The following PRKN variants were observed in gnomAD, a reference collection of about 807,000 sequenced individuals.
PRKN encodes E3 ubiquitin-protein ligase parkin.
Under a neutral mutation model 59.5 loss-of-function variants are expected in PRKN, and 56 were observed. That is an observed-to-expected ratio of 0.94 (90% CI 0.76 to 1.18). The LOEUF (loss-of-function observed/expected upper bound fraction) is 1.18, where lower values mean the gene tolerates loss of function less well. PRKN is among the 50% of genes most tolerant of loss of function. The pLI, the probability that PRKN is intolerant of heterozygous loss-of-function variation, is 0.00. For missense variants in PRKN, 657 were observed against 596.4 expected, an observed-to-expected ratio of 1.10 and a Z score of -1.06; for synonymous variants, 250 against 222.1, an observed-to-expected ratio of 1.13 and a Z score of -1.12.
chr6:161,986,010 A>G (rs185519316), intron 5 of PRKN, among the ~76,000 whole-genome samples: 364 of 152,272 alleles, frequency 2.4e-3, no homozygotes, highest in Non-Finnish European at 4.2e-3. Context: ...CTAGTCCTCA[A>G]TTATGTCCGG....
At chr6:162,227,893 T>C (rs1778249845) in intron 3 of PRKN, among the ~76,000 whole-genome samples, 1 of 149,770 alleles carries the variant, frequency 6.7e-6, no homozygotes, top group African/African-American at 2.5e-5. Context: ...TCCAAAAAGA[T>C]GGACAAAGGA....
At chr6:162,694,019 G>A (rs375956735) in intron 1 of PRKN, among the ~76,000 whole-genome samples, 1 of 151,996 alleles carries the variant, frequency 6.6e-6, no homozygotes, top group Non-Finnish European at 1.5e-5. Context: ...AGGCCGAGGC[G>A]GGCAGATCAT....
chr6:161,669,219 C>T lies in PRKN; in HGVS notation c.872-99803G>A, dbSNP rs1032938725. Among the ~76,000 whole-genome samples the T allele has an allele frequency of 9.8e-5, 15 of 152,330 alleles. No homozygotes were observed. In the South Asian group the frequency reaches 1.2e-3, roughly 13 times the overall value. On this transcript the variant is annotated intron_variant, in intron 7 of 11. Transcript: ENST00000366898. ...GTCTTGATCTTGGACTTCCCAGCAC[C>T]TTCCCAGCACCCAGAACTGTGAGAA...
chr6:162,270,403 T>C (rs1314543523), intron 2 of PRKN: 1 of 152,086 alleles, frequency 6.6e-6, no homozygotes, highest in Non-Finnish European at 1.5e-5. Context: ...ATACAACATA[T>C]ATGGTGCAGT....
Position 161,576,355 on chromosome 6 carries a change from A to T in PRKN, c.872-6939T>A, listed in dbSNP as rs1310625549. ...AAGCCAGTTAAGGAGAATCTTGAAG[A>T]TACTCACCTTCCACCTAATAATGTA... is the stretch of plus-strand genomic sequence containing the variant. On this transcript the variant is annotated intron_variant, in intron 7 of 11. Transcript: ENST00000366898. The surrounding 1 kb of genome is among the most constrained non-coding windows in gnomAD (Gnocchi z 4.6). Among the ~76,000 whole-genome samples, 1 of 152,240 alleles carries T rather than the reference A, an allele frequency of 6.6e-6. No homozygotes were observed. Among genetic ancestry groups the T allele is most frequent in the Non-Finnish European group, 1.5e-5 (1 of 68,042 alleles).
At chr6:162,112,184 C>T (rs1780467620) in intron 4 of PRKN, among the ~76,000 whole-genome samples, 1 of 152,180 alleles carries the variant, frequency 6.6e-6, no homozygotes, top group Admixed American at 6.5e-5. Flanking sequence ...AACCTTCAAA[C>T]AACACTTGAC....
At chr6:162,219,857 A>G (rs184175189) in intron 3 of PRKN, among the ~76,000 whole-genome samples, 16 of 152,288 alleles carry the variant, frequency 1.1e-4, no homozygotes, top group African/African-American at 3.9e-4. Flanking sequence ...CTTGCCAGGC[A>G]TGTACAGTTG....
chr6:162,596,437 A>G (rs1298153945), intron 1 of PRKN, among the ~76,000 whole-genome samples: 1 of 152,208 alleles, frequency 6.6e-6, no homozygotes, highest in Non-Finnish European at 1.5e-5. Flanking sequence ...CATATTTACT[A>G]TAATTTGATA....
intron 5 of PRKN, among the ~76,000 whole-genome samples, chr6:162,018,022 T>G (rs1782992593): frequency 2.0e-5 from 3 of 152,002 alleles, no homozygotes; most frequent in Admixed American, 6.6e-5. Flanking sequence ...ATAATAACTT[T>G]TATTTTTATT....
At chr6:162,222,332 G>A (rs556385800) in intron 3 of PRKN, among the ~76,000 whole-genome samples, 57 of 152,182 alleles carry the variant, frequency 3.7e-4, no homozygotes, top group African/African-American at 1.1e-3. Context: ...ACCCTGGGTC[G>A]GCCTGACCCA....
intron 1 of PRKN, among the ~76,000 whole-genome samples, chr6:162,481,241 G>C (rs1359546889): frequency 6.6e-6 from 1 of 152,156 alleles, no homozygotes; most frequent in Non-Finnish European, 1.5e-5. Flanking sequence ...GCCAGCTTCA[G>C]ATTTATAATA....
chr6:162,596,394 G>C (rs751243370), intron 1 of PRKN, among the ~76,000 whole-genome samples: 1 of 152,208 alleles, frequency 6.6e-6, no homozygotes, highest in Non-Finnish European at 1.5e-5. Flanking sequence ...TTGAGTGAAA[G>C]GAATAATTGT....
chr6:161,504,651 T>C (rs1293507690), intron 9 of PRKN, among the ~76,000 whole-genome samples: 1 of 150,272 alleles, frequency 6.7e-6, no homozygotes, highest in Non-Finnish European at 1.5e-5. Flanking sequence ...ATTAGGTATA[T>C]CTCCCAATGC....
chr6:162,267,192 T>C (rs1316324808), intron 2 of PRKN: 1 of 152,208 alleles, frequency 6.6e-6, no homozygotes, highest in Admixed American at 6.5e-5. Flanking sequence ...GTGATACTTA[T>C]AGGACGCATT....
intron 8 of PRKN, among the ~76,000 whole-genome samples, chr6:161,557,346 G>A (rs1780274795): frequency 6.6e-6 from 1 of 152,200 alleles, no homozygotes; most frequent in East Asian, 1.9e-4. Context: ...GGTCATGGGA[G>A]AGTATAATGA....
intron 6 of PRKN, among the ~76,000 whole-genome samples, chr6:161,880,720 C>A (rs1052438596): frequency 1.1e-4 from 17 of 152,160 alleles, no homozygotes; most frequent in Admixed American, 2.6e-4. Flanking sequence ...GAGAAGAACG[C>A]ACTTCCTGGG....
intron 2 of PRKN, among the ~76,000 whole-genome samples, chr6:162,318,571 A>G (rs578088223): frequency 6.6e-6 from 1 of 152,174 alleles, no homozygotes; most frequent in African/African-American, 2.4e-5. Context: ...GCAAAGTACA[A>G]GAATTTCTAT....
At chr6:161,999,007 CT>C (rs569869145) in intron 5 of PRKN, among the ~76,000 whole-genome samples, 1 of 152,072 alleles carries the variant, frequency 6.6e-6, no homozygotes, top group African/African-American at 2.4e-5. Flanking sequence ...TTATTTTGTC[CT>C]CTTAACACAC....
At chr6:162,480,418 A>G (rs1792247775) in intron 1 of PRKN, among the ~76,000 whole-genome samples, 1 of 152,166 alleles carries the variant, frequency 6.6e-6, no homozygotes, top group South Asian at 2.1e-4. Flanking sequence ...CTGACGACCA[A>G]AAATAGGGAG....
Sources: gnomAD v4.1 joint callset for allele counts (sites outside exome capture counted in the v4.1 genomes callset) on GRCh38, gnomAD v4.1.1 for gene constraint, Gnocchi (gnomAD v3.1) non-coding constraint, MANE v1.5 for transcripts, NCBI Gene and HGNC (gene_info 2026-07-23, HGNC 2026-07-21) for gene names.